DIAPH3: variants seen among roughly 807,000 people sequenced by gnomAD.
DIAPH3 encodes protein diaphanous homolog 3.
DIAPH3 carries 117 observed loss-of-function variants against 144.3 expected under a neutral mutation model. That is an observed-to-expected ratio of 0.81 (90% CI 0.70 to 0.95). The LOEUF (loss-of-function observed/expected upper bound fraction) is 0.95. Among genes scored for constraint, DIAPH3 ranks in the 40% least tolerant of loss-of-function variants. The pLI is 0.00. For synonymous variants in DIAPH3, 519 were observed against 488.9 expected (o/e 1.06, Z -0.81); for missense variants, 1,421 against 1,412.7 (o/e 1.01, Z -0.09).
At chr13:59,830,106 C>T (rs977720090) in intron 24 of DIAPH3, among the ~76,000 whole-genome samples, 4 of 151,770 alleles carry the variant, frequency 2.6e-5, no homozygotes, top group Non-Finnish European at 4.4e-5. Flanking sequence ...CTAAGATTTC[C>T]GTAGTGACTC....
At chr13:60,120,880 GA>G (rs1353671017) in intron 2 of DIAPH3, among the ~76,000 whole-genome samples, 1 of 152,138 alleles carries the variant, frequency 6.6e-6, no homozygotes, top group Non-Finnish European at 1.5e-5. Context: ...TTTGATGCAA[GA>G]AACTGAAATA....
intron 1 of DIAPH3, among the ~76,000 whole-genome samples, chr13:60,140,410 A>T (rs1215582537): frequency 6.6e-6 from 1 of 152,204 alleles, no homozygotes; most frequent in African/African-American, 2.4e-5. Context: ...AAATAGCTAG[A>T]ACTGTAATCA....
chr13:59,841,346 T>G (rs2042330114), intron 22 of DIAPH3, among the ~76,000 whole-genome samples: 1 of 152,054 alleles, frequency 6.6e-6, no homozygotes, highest in Admixed American at 6.6e-5. Context: ...ATCCTAGCAC[T>G]TTAGGAGCTG....
At chr13:59,990,809 C>T (rs749262854) in intron 12 of DIAPH3, among the ~76,000 whole-genome samples, 4 of 151,924 alleles carry the variant, frequency 2.6e-5, no homozygotes, top group Non-Finnish European at 5.9e-5. Context: ...ATGTTTAGTG[C>T]CCTTCATGTA....
chr13:60,009,143 C>G (rs1489415335), intron 8 of DIAPH3, among the ~76,000 whole-genome samples: 1 of 151,972 alleles, frequency 6.6e-6, no homozygotes, highest in Non-Finnish European at 1.5e-5. Context: ...GTAAATGAAG[C>G]TGAGTGATAG....
At chr13:59,930,679 C>G (rs1292225543) in intron 17 of DIAPH3, among the ~76,000 whole-genome samples, 1 of 152,110 alleles carries the variant, frequency 6.6e-6, no homozygotes, top group African/African-American at 2.4e-5. Context: ...GGATTTTATT[C>G]TCACACTAAT....
In DIAPH3 at chr13:60,105,099, C is replaced by CAAAAAAAA. The variant is rs60853102; in HGVS notation, c.390+6903_390+6910dup. Among the ~76,000 whole-genome samples the CAAAAAAAA allele has an allele frequency of 1.8e-3, 74 of 41,786 alleles. 3 individuals are homozygous for CAAAAAAAA. The highest frequency in any genetic ancestry group is 2.3e-3 in the African/African-American group (23 of 9,872). The allele number at this position is 41,786 out of a possible 152,430, so 27.4% of individuals were successfully genotyped here. The stretch of plus-strand genomic sequence containing the variant: ...TGGGCGACAAAGTGAGACACGATCT[C>CAAAAAAAA]AAAAAAAAAAAAAAAAAAAAAAAAA... On this transcript the variant is annotated intron_variant, in intron 3 of 27. Coordinates refer to ENST00000400324, the MANE Select transcript of DIAPH3 (RefSeq NM_001042517.2).
intron 17 of DIAPH3, among the ~76,000 whole-genome samples, chr13:59,933,400 C>T (rs1019142589): frequency 9.2e-5 from 14 of 152,280 alleles, no homozygotes; most frequent in South Asian, 4.1e-4. Context: ...AAGAAGAGTA[C>T]GATCAGAGTC....
intron 25 of DIAPH3, among the ~76,000 whole-genome samples, chr13:59,797,506 G>A (rs1435281815): frequency 6.6e-6 from 1 of 152,092 alleles, no homozygotes; most frequent in African/African-American, 2.4e-5. Flanking sequence ...AATCACACAG[G>A]AGCCTTGGGA....
At chr13:59,861,126 T>C (rs2139928033) in intron 22 of DIAPH3, 2 of 989,730 alleles carry the variant, frequency 2.0e-6, no homozygotes, top group South Asian at 1.9e-5. Context: ...GTGCAGGAGA[T>C]TTAGCAGTAG....
At chr13:60,113,715 G>A (rs1412571725) in intron 2 of DIAPH3, among the ~76,000 whole-genome samples, 1 of 152,146 alleles carries the variant, frequency 6.6e-6, no homozygotes, top group Non-Finnish European at 1.5e-5. Flanking sequence ...ACCAGAAAAT[G>A]ACAAGCTGCT....
chr13:60,025,846 T>C (rs1459901962), intron 5 of DIAPH3, among the ~76,000 whole-genome samples: 2 of 151,984 alleles, frequency 1.3e-5, no homozygotes, highest in African/African-American at 2.4e-5. Context: ...CTGTGTGCCA[T>C]AAACACTATT....
At chr13:60,079,517 A>T (rs1406297265) in intron 4 of DIAPH3, among the ~76,000 whole-genome samples, 1 of 152,098 alleles carries the variant, frequency 6.6e-6, no homozygotes. Context: ...TAGGTTTAAG[A>T]TAACAAAAAA....
At chr13:59,881,224 A>G (rs1237032804) in intron 20 of DIAPH3, among the ~76,000 whole-genome samples, 1 of 152,008 alleles carries the variant, frequency 6.6e-6, no homozygotes, top group Non-Finnish European at 1.5e-5. Context: ...CAAAAGGAAG[A>G]TGTTCATATG....
chr13:59,675,802 TG>T (rs1194329257), intron 27 of DIAPH3, among the ~76,000 whole-genome samples: 1 of 152,206 alleles, frequency 6.6e-6, no homozygotes, highest in African/African-American at 2.4e-5. Context: ...CTCATGGTTC[TG>T]GGGGAACATG....
chr13:60,133,632 C>T (rs1433315847), intron 1 of DIAPH3, among the ~76,000 whole-genome samples: 2 of 152,096 alleles, frequency 1.3e-5, no homozygotes, highest in Admixed American at 6.6e-5. Flanking sequence ...TTGCTGATTT[C>T]CTTGCTAGAC....
intron 4 of DIAPH3, among the ~76,000 whole-genome samples, chr13:60,084,970 T>A (rs1021188910): frequency 3.3e-5 from 5 of 152,064 alleles, no homozygotes; most frequent in Non-Finnish European, 5.9e-5. Flanking sequence ...TTTAAGTATG[T>A]ATAGAATTTA....
At chr13:59,919,132 G>T (rs1247196033) in intron 18 of DIAPH3, among the ~76,000 whole-genome samples, 1 of 151,728 alleles carries the variant, frequency 6.6e-6, no homozygotes, top group African/African-American at 2.4e-5. Context: ...TACTGTAAGA[G>T]AATAAGAAAA....
chr13:60,004,479 C>A (rs147756707), intron 9 of DIAPH3, among the ~76,000 whole-genome samples: 1 of 152,094 alleles, frequency 6.6e-6, no homozygotes, highest in Non-Finnish European at 1.5e-5. Context: ...GTATCTTTTA[C>A]TCTGAAGCCT....
Sources: allele counts gnomAD v4.1 joint callset (sites outside exome capture counted in the v4.1 genomes callset), GRCh38; gene constraint gnomAD v4.1.1; transcripts MANE v1.5; gene names NCBI Gene and HGNC (gene_info 2026-07-23, HGNC 2026-07-21).